Variants in FRMD4A observed in about 807,000 individuals in gnomAD.
FRMD4A encodes the protein FERM domain containing 4A.
In FRMD4A, 29 loss-of-function variants were observed where a neutral mutation model predicts 129.1. The ratio of observed to expected loss-of-function variants is 0.22; its 90% CI spans 0.17 to 0.31. The LOEUF (loss-of-function observed/expected upper bound fraction) is 0.31, where lower values mean the gene tolerates loss of function less well. FRMD4A is among the 10% of genes least tolerant of loss of function. The probability of loss-of-function intolerance (pLI) is 1.00; values close to 1 mark genes in which losing one functional copy is unlikely to be tolerated. For missense variants in FRMD4A, 1,272 were observed against 1,375.8 expected, an observed-to-expected ratio of 0.92 and a Z score of 1.19; for synonymous variants, 634 against 571.6, an observed-to-expected ratio of 1.11 and a Z score of -1.56.
At chr10:13,814,801 C>T (rs750395431) in intron 3 of FRMD4A, among the ~76,000 whole-genome samples, 2 of 151,996 alleles carry the variant, frequency 1.3e-5, no homozygotes, top group Non-Finnish European at 2.9e-5. Flanking sequence ...CATAGTTTAT[C>T]TAGAACATAT....
chr10:13,760,709 TTAGA>T (rs1162432046), intron 8 of FRMD4A, among the ~76,000 whole-genome samples: 2 of 152,178 alleles, frequency 1.3e-5, no homozygotes, highest in Non-Finnish European at 2.9e-5. Flanking sequence ...AGACAGGTTC[TTAGA>T]TGGAGCAGAG....
chr10:14,152,580 T>C (rs983453541), intron 2 of FRMD4A, among the ~76,000 whole-genome samples: 19 of 152,164 alleles, frequency 1.2e-4, no homozygotes, highest in Admixed American at 7.2e-4. Context: ...GTGAAGCCTG[T>C]GCATTAAGAA....
chr10:13,954,055 C>T (rs895574824), intron 2 of FRMD4A, among the ~76,000 whole-genome samples: 2 of 152,210 alleles, frequency 1.3e-5, no homozygotes, highest in African/African-American at 4.8e-5. Context: ...CAGGATCCAG[C>T]CCTGTGCTAG....
At chr10:13,977,907 T>C (rs779922486) in intron 2 of FRMD4A, among the ~76,000 whole-genome samples, 27 of 152,362 alleles carry the variant, frequency 1.8e-4, no homozygotes, top group Admixed American at 4.6e-4. Flanking sequence ...GATGGACATG[T>C]GGGTTGTTCC....
intron 2 of FRMD4A, among the ~76,000 whole-genome samples, chr10:14,220,283 T>C (rs894370385): frequency 6.6e-6 from 1 of 152,264 alleles, no homozygotes; most frequent in African/African-American, 2.4e-5. Context: ...GCCTTGTTTA[T>C]ATGGCCCCAC....
chr10:13,800,015 T>TAA (rs10629467), intron 4 of FRMD4A, among the ~76,000 whole-genome samples: 62,397 of 149,980 alleles, frequency 0.42, 13,310 homozygotes, highest in East Asian at 0.52. Context: ...CCATCTCTAC[T>TAA]AAAAAAAAAT....
chr10:13,668,714 G>T (rs2083263803), intron 17 of FRMD4A, among the ~76,000 whole-genome samples: 2 of 152,154 alleles, frequency 1.3e-5, no homozygotes, highest in African/African-American at 2.4e-5. Context: ...AGGGTGTTGG[G>T]GGAACTCCCT....
At chr10:13,691,538 C>G (rs1026264667) in intron 15 of FRMD4A, among the ~76,000 whole-genome samples, 3 of 152,130 alleles carry the variant, frequency 2.0e-5, no homozygotes, top group Non-Finnish European at 2.9e-5. Context: ...GAGAGTCTCC[C>G]CAATTAAAGC....
intron 2 of FRMD4A, among the ~76,000 whole-genome samples, chr10:14,067,812 G>T (rs556240746): frequency 1.8e-4 from 27 of 152,188 alleles, no homozygotes; most frequent in African/African-American, 5.5e-4. Flanking sequence ...GCGAGACTCC[G>T]TCTCAAAACA....
At position 13,646,175 on chromosome 10, in the gene FRMD4A, A is replaced by T. The variant is rs2081105277; in HGVS notation, c.*863T>A. 1 of 152,624 alleles carries T rather than the reference A, an allele frequency of 6.6e-6. No individual in the cohort carries two copies. Among genetic ancestry groups the T allele is most frequent in the African/African-American group, 2.4e-5 (1 of 41,444 alleles). The allele number at this position is 152,624 out of a possible 1,614,324, so 9.5% of individuals were successfully genotyped here. A position where few individuals can be genotyped will look rare whatever the true frequency, so the allele number is the denominator to read the frequency against. ...TTTTCAGGCTCTCTACGGAGAGAGA[A>T]GTGGGCCAGTAAGGGAGAGGGCTAG... On this transcript the variant is annotated 3_prime_UTR_variant, in exon 25 of 25. Transcript: ENST00000357447.
chr10:14,209,330 A>C (rs1365585562), intron 2 of FRMD4A, among the ~76,000 whole-genome samples: 1 of 152,124 alleles, frequency 6.6e-6, no homozygotes, highest in Non-Finnish European at 1.5e-5. Context: ...AAAGATGTCT[A>C]CCTGGTTCTT....
chr10:14,017,268 A>C (rs1269649763), intron 2 of FRMD4A, among the ~76,000 whole-genome samples: 1 of 150,794 alleles, frequency 6.6e-6, no homozygotes, highest in Non-Finnish European at 1.5e-5. Context: ...GGCTTTCAAG[A>C]TCATTTTGCA....
intron 2 of FRMD4A, chr10:13,866,332 C>G (rs990151845): frequency 1.1e-6 from 1 of 948,276 alleles, no homozygotes; most frequent in Non-Finnish European, 1.3e-6. Flanking sequence ...GGATGCGGGA[C>G]AGCAGCCCCT....
chr10:14,110,146 A>AAAAAAAAAAAAAAAC (rs1229272951), intron 2 of FRMD4A, among the ~76,000 whole-genome samples: 1 of 150,654 alleles, frequency 6.6e-6, no homozygotes, highest in African/African-American at 2.4e-5. Flanking sequence ...AAAAAAAAAA[A>AAAAAAAAAAAAAAAC]AGCTCTTTTC....
At chr10:14,277,284 A>G (rs765392575) in intron 2 of FRMD4A, among the ~76,000 whole-genome samples, 10 of 152,322 alleles carry the variant, frequency 6.6e-5, no homozygotes, top group Non-Finnish European at 1.5e-4. Context: ...TGGTCTGAGT[A>G]ATTATGTCCC....
chr10:14,277,644 C>T (rs553837798), intron 2 of FRMD4A, among the ~76,000 whole-genome samples: 14 of 152,348 alleles, frequency 9.2e-5, no homozygotes, highest in South Asian at 2.1e-4. Context: ...AGTGAGGGTT[C>T]GAGACTGAAC....
At chr10:14,005,299 G>T (rs2095658379) in intron 2 of FRMD4A, among the ~76,000 whole-genome samples, 1 of 152,180 alleles carries the variant, frequency 6.6e-6, no homozygotes, top group Non-Finnish European at 1.5e-5. Context: ...TGGGATTACA[G>T]GTGTGAGCCA....
At chr10:14,210,636 C>T (rs1294009288) in intron 2 of FRMD4A, among the ~76,000 whole-genome samples, 1 of 152,230 alleles carries the variant, frequency 6.6e-6, no homozygotes, top group Non-Finnish European at 1.5e-5. Context: ...AGTCAGGGTC[C>T]TGGCCCCTAA....
chr10:14,147,137 G>A (rs1025983359), intron 2 of FRMD4A, among the ~76,000 whole-genome samples: 3 of 152,110 alleles, frequency 2.0e-5, no homozygotes, highest in Admixed American at 6.5e-5. Context: ...TTATCTTTTC[G>A]AAAAGGAACA....
Sources: allele counts gnomAD v4.1 joint callset (sites outside exome capture counted in the v4.1 genomes callset), GRCh38; gene constraint gnomAD v4.1.1; transcripts MANE v1.5; gene names NCBI Gene and HGNC (gene_info 2026-07-23, HGNC 2026-07-21).